The following DOCK11 variants were observed in gnomAD, a reference collection of about 807,000 sequenced individuals.
DOCK11 encodes dedicator of cytokinesis protein 11.
A neutral mutation model predicts 169.1 loss-of-function variants in DOCK11; 70 were observed. The observed-to-expected ratio is 0.41, with a 90% CI of 0.34 to 0.51. DOCK11 has a LOEUF of 0.51. DOCK11 is among the 20% of genes least tolerant of loss of function. DOCK11 has a pLI of 0.10. For synonymous variants in DOCK11, 529 were observed against 541.3 expected (o/e 0.98, Z 0.32); for missense variants, 1,166 against 1,538.8 (o/e 0.76, Z 4.05).
intron 35 of DOCK11, chrX:118,633,644 C>T (rs2015309138): frequency 1.8e-5 from 2 of 112,075 alleles, no homozygotes; most frequent in African/African-American, 6.5e-5. Flanking sequence ...GAGGCCTTGA[C>T]TAAAAGATGG....
intron 30 of DOCK11, among the ~76,000 whole-genome samples, chrX:118,616,811 G>T (rs1463702533): frequency 8.9e-6 from 1 of 111,770 alleles, no homozygotes; most frequent in Non-Finnish European, 1.9e-5. Context: ...AATCTGCCTT[G>T]GTCTGTATAG....
chrX:118,613,370 C>T (rs948987193), intron 28 of DOCK11, among the ~76,000 whole-genome samples: 2 of 111,863 alleles, frequency 1.8e-5, no homozygotes, highest in African/African-American at 6.5e-5. Context: ...ATGCAGGTAG[C>T]TGGTTAATCA....
chrX:118,502,495 G>T (rs1234462960), intron 1 of DOCK11, among the ~76,000 whole-genome samples: 1 of 111,362 alleles, frequency 9.0e-6, no homozygotes, highest in Non-Finnish European at 1.9e-5. Context: ...ATCCTGTTTG[G>T]GCTCTTTTCC....
chrX:118,523,998 G>C (rs2011318719), intron 1 of DOCK11, among the ~76,000 whole-genome samples: 1 of 111,979 alleles, frequency 8.9e-6, no homozygotes, highest in South Asian at 3.8e-4. Flanking sequence ...AAGTTTGGAA[G>C]TTTGAGTGTG....
chrX:118,678,986 C>G (rs2016677073), intron 48 of DOCK11, among the ~76,000 whole-genome samples: 1 of 110,832 alleles, frequency 9.0e-6, no homozygotes. Flanking sequence ...GAGACGGGGT[C>G]TCACTATGTT....
intron 1 of DOCK11, among the ~76,000 whole-genome samples, chrX:118,520,738 T>C (rs1480376167): frequency 8.9e-6 from 1 of 112,388 alleles, no homozygotes; most frequent in Non-Finnish European, 1.9e-5. Context: ...TCATTGGAAT[T>C]AGTGTTGTTA....
At chrX:118,560,920 G>A (rs144565358) in intron 6 of DOCK11, among the ~76,000 whole-genome samples, 2,101 of 112,005 alleles carry the variant, frequency 0.019, 18 homozygotes, top group Non-Finnish European at 0.029. Context: ...CAGAAGCAAA[G>A]ACAGTGGTAC....
At chrX:118,634,644 G>C (rs984817721) in intron 35 of DOCK11, among the ~76,000 whole-genome samples, 2 of 112,771 alleles carry the variant, frequency 1.8e-5, no homozygotes, top group East Asian at 5.6e-4. Context: ...AGGGACTTCT[G>C]GGGGGGAACC....
chrX:118,634,888 A>G (rs1055471376), intron 35 of DOCK11, among the ~76,000 whole-genome samples: 1 of 110,552 alleles, frequency 9.0e-6, no homozygotes, highest in Admixed American at 9.7e-5. Context: ...CACCACGCCC[A>G]ACTAATTTTT....
intron 32 of DOCK11, among the ~76,000 whole-genome samples, chrX:118,625,431 C>T (rs1232400229): frequency 2.7e-5 from 3 of 111,581 alleles, no homozygotes; most frequent in African/African-American, 3.3e-5. Flanking sequence ...GCTAGGATTA[C>T]AGGCGTGAGG....
At chrX:118,653,065 A>G (rs186376093) in intron 42 of DOCK11, among the ~76,000 whole-genome samples, 1 of 112,229 alleles carries the variant, frequency 8.9e-6, no homozygotes, top group Non-Finnish European at 1.9e-5. Context: ...TCTTGTGAGC[A>G]TAGAAACAAG....
chrX:118,659,655 AC>A (rs1323510865), intron 44 of DOCK11, among the ~76,000 whole-genome samples: 1 of 112,023 alleles, frequency 8.9e-6, no homozygotes, highest in Non-Finnish European at 1.9e-5. Context: ...AAGATAACAC[AC>A]TTAGCAAGAA....
chrX:118,610,777 A>G (rs2014663040), intron 28 of DOCK11, among the ~76,000 whole-genome samples: 2 of 111,902 alleles, frequency 1.8e-5, no homozygotes, highest in South Asian at 7.5e-4. Context: ...AGTAGCTCAC[A>G]CCTGTAATCC....
Position 118,676,726 on chromosome X carries a change from G to A in DOCK11, c.5449G>A (p.Asp1817Asn). The change falls in exon 48 of 53, where the codon GAT becomes AAT. Residue 1817 changes from aspartate to asparagine, a missense_variant. By Grantham distance (23) the Asp-to-Asn change is conservative. Coordinates refer to ENST00000276202, the MANE Select transcript of DOCK11 (RefSeq NM_144658.4). Reference protein sequence around the residue: ...FGTENVKIIQDSDKVNAKELD... With the variant: ...FGTENVKIIQNSDKVNAKELD... ...TACGGAGAATGTCAAAATAATTCAG[G>A]ATTCAGACAAGGTAACACATACCCT... is the stretch of plus-strand genomic sequence containing the variant. 1 of 1,199,727 alleles carries A rather than the reference G, an allele frequency of 8.3e-7. No homozygotes were observed. The highest frequency in any genetic ancestry group is 1.8e-5 in the South Asian group (1 of 54,687).
chrX:118,670,171 T>C (rs1482348325), intron 45 of DOCK11, among the ~76,000 whole-genome samples: 1 of 111,944 alleles, frequency 8.9e-6, no homozygotes, highest in Non-Finnish European at 1.9e-5. Context: ...TATAGGATAT[T>C]GCCACTGGTG....
At chrX:118,542,277 C>T (rs1361605003) in intron 1 of DOCK11, among the ~76,000 whole-genome samples, 1 of 108,565 alleles carries the variant, frequency 9.2e-6, no homozygotes, top group East Asian at 2.9e-4. Context: ...CTCAAGTGAT[C>T]CTCCTGCCTC....
chrX:118,673,204 C>T (rs1160675178), intron 46 of DOCK11, among the ~76,000 whole-genome samples: 1 of 112,114 alleles, frequency 8.9e-6, no homozygotes, highest in Non-Finnish European at 1.9e-5. Context: ...CTTCTTTATA[C>T]ATTAAAGGAA....
intron 51 of DOCK11, 88 bp downstream of exon 51, chrX:118,681,882 T>A: frequency 1.5e-6 from 1 of 655,359 alleles, no homozygotes; most frequent in Admixed American, 3.9e-5. Context: ...GACCAAATAA[T>A]ACCCTTCCAA....
intron 44 of DOCK11, among the ~76,000 whole-genome samples, chrX:118,655,808 A>G (rs139169698): frequency 6.3e-4 from 71 of 112,245 alleles, no homozygotes; most frequent in Middle Eastern, 4.6e-3. Context: ...AATGAGTAAC[A>G]ATACGGCAAA....
Sources: gnomAD v4.1 joint callset for allele counts (sites outside exome capture counted in the v4.1 genomes callset) on GRCh38, gnomAD v4.1.1 for gene constraint, MANE v1.5 for transcripts, NCBI Gene and HGNC (gene_info 2026-07-23, HGNC 2026-07-21) for gene names.